ABCC12: variants seen among roughly 807,000 people sequenced by gnomAD.
ABCC12 encodes ATP binding cassette subfamily C member 12, also known as ATP-binding cassette sub-family C member 12.
ABCC12 carries 142 observed loss-of-function variants against 151.1 expected under a neutral mutation model. The observed-to-expected ratio is 0.94, with a 90% CI of 0.82 to 1.08. ABCC12 has a LOEUF of 1.08. Ranked by LOEUF, ABCC12 falls within the 50% of genes least tolerant of loss-of-function variation. The pLI, the probability that ABCC12 is intolerant of heterozygous loss-of-function variation, is 0.00. For synonymous variants in ABCC12, 645 were observed against 646.4 expected (o/e 1.00, Z 0.03); for missense variants, 1,638 against 1,691.1 (o/e 0.97, Z 0.55).
At chr16:48,136,037 T>C (rs1964597051) in intron 8 of ABCC12, among the ~76,000 whole-genome samples, 1 of 152,112 alleles carries the variant, frequency 6.6e-6, no homozygotes, top group Non-Finnish European at 1.5e-5. Flanking sequence ...CACTGCATGA[T>C]GAGAGAGAGT....
chr16:48,149,155 G>T (rs1271437054), intron 2 of ABCC12, among the ~76,000 whole-genome samples: 2 of 148,092 alleles, frequency 1.4e-5, no homozygotes, highest in East Asian at 4.2e-4. Context: ...ATAACATTGT[G>T]TTAGCCCTAG....
At chr16:48,130,922 G>T (rs1242693106) in intron 9 of ABCC12, 27 bp from the exon 10 acceptor site, 4 of 1,543,418 alleles carry the variant, frequency 2.6e-6, no homozygotes, top group Non-Finnish European at 2.7e-6. Flanking sequence ...AAGTATGAGG[G>T]TTTAGAAGGA....
Position 48,155,935 on chromosome 16 carries a change from C to T in ABCC12, c.-414G>A, listed in dbSNP as rs1965179448. 6.6e-6 allele frequency: 1 copy of T among 152,338 alleles called. No homozygotes were observed. Among genetic ancestry groups the T allele is most frequent in the South Asian group, 2.1e-4 (1 of 4,840 alleles). The allele number at this position is 152,338 out of a possible 1,614,324, so 9.4% of individuals were successfully genotyped here. ...CCAGGACTCCAGGGCCTGCTTCTCC[C>T]CAAGGACCTCAGATTCAGTTTCTCT... On this transcript the variant is annotated 5_prime_UTR_variant, in exon 1 of 31. Coordinates refer to ENST00000311303, the MANE Select transcript of ABCC12 (RefSeq NM_001393797.1).
In ABCC12 at chr16:48,088,657, G is replaced by A. The variant is rs1597300539; in HGVS notation, c.3363C>T (p.Thr1121=). The A allele has an allele frequency of 1.2e-6, 2 of 1,614,224 alleles. No individual in the cohort carries two copies. The highest frequency in any genetic ancestry group is 2.7e-5 in the African/African-American group (2 of 75,054). Residue 1121 remains threonine (T), a synonymous_variant, in exon 26 of 31, where the codon ACC becomes ACT. Coordinates refer to ENST00000311303, the MANE Select transcript of ABCC12 (RefSeq NM_001393797.1). ...PKDWPSRGEI[T]FRDYQMRYRD... ...TGTATCTCATCTGATAGTCTCTGAA[G>A]GTGATCTCCCCACGGCTGGGCCAGT...
chr16:48,128,842 C>T (rs1964328639), intron 10 of ABCC12, 105 bp from the exon 11 acceptor site: 1 of 1,250,136 alleles, frequency 8.0e-7, no homozygotes, highest in Non-Finnish European at 1.1e-6. Flanking sequence ...GCTATTCTAA[C>T]CCACCACATC....
At chr16:48,105,059 C>T in intron 21 of ABCC12, 80 bp downstream of exon 21, 1 of 1,541,398 alleles carries the variant, frequency 6.5e-7, no homozygotes. Flanking sequence ...GAGCCCAGCA[C>T]CATGCCTGGC....
At chr16:48,152,760 G>T (rs571136617) in intron 2 of ABCC12, among the ~76,000 whole-genome samples, 5 of 152,168 alleles carry the variant, frequency 3.3e-5, no homozygotes, top group Non-Finnish European at 7.3e-5. Context: ...CATACCCTGC[G>T]TCTAGTCTTG....
chr16:48,089,950 CA>C (rs1182272133), intron 25 of ABCC12, among the ~76,000 whole-genome samples: 3 of 151,642 alleles, frequency 2.0e-5, no homozygotes, highest in Non-Finnish European at 2.9e-5. Flanking sequence ...TAAATTTGTA[CA>C]AACTCAAGAA....
intron 22 of ABCC12, among the ~76,000 whole-genome samples, chr16:48,103,450 C>A (rs1597307256): frequency 1.3e-5 from 2 of 152,170 alleles, no homozygotes; most frequent in East Asian, 1.9e-4. Context: ...CTCCCTGATC[C>A]TCACAAGCCC....
At chr16:48,128,830 T>C in intron 10 of ABCC12, 93 bp from the exon 11 acceptor site, 1 of 1,450,592 alleles carries the variant, frequency 6.9e-7, no homozygotes. Flanking sequence ...ATCACAATTT[T>C]GGCTATTCTA....
chr16:48,136,608 A>T (rs1228617544), intron 8 of ABCC12, among the ~76,000 whole-genome samples: 1 of 152,146 alleles, frequency 6.6e-6, no homozygotes, highest in Non-Finnish European at 1.5e-5. Context: ...AATAATTACA[A>T]ATTGTGTTGA....
intron 2 of ABCC12, among the ~76,000 whole-genome samples, chr16:48,151,360 G>A (rs964469795): frequency 1.3e-5 from 2 of 152,178 alleles, no homozygotes; most frequent in African/African-American, 4.8e-5. Flanking sequence ...CAAAGACAAG[G>A]AGAGCCTGAG....
chr16:48,103,516 G>C (rs143152243), intron 22 of ABCC12, among the ~76,000 whole-genome samples: 1 of 152,348 alleles, frequency 6.6e-6, no homozygotes, highest in African/African-American at 2.4e-5. Flanking sequence ...AGAGGAAACT[G>C]AGGTTTGCAG....
rs1962356015 is a variant in ABCC12, at chr16:48,081,833, C to T, written c.*1882G>A. Among the ~76,000 whole-genome samples the T allele has an allele frequency of 6.6e-6, 1 of 152,168 alleles. No homozygotes were observed. The highest frequency in any genetic ancestry group is 2.4e-5 in the African/African-American group (1 of 41,428). On this transcript the variant is annotated 3_prime_UTR_variant, in exon 31 of 31. Coordinates refer to ENST00000311303, the MANE Select transcript of ABCC12 (RefSeq NM_001393797.1). ...CTATCCTCTGTCCTCATGAAAACACCACCTCTTGAAATCACAGACTGATTA... is the reference window on the plus strand; with the variant it reads ...CTATCCTCTGTCCTCATGAAAACACTACCTCTTGAAATCACAGACTGATTA...
At position 48,121,769 on chromosome 16, in the gene ABCC12, A is replaced by G. The variant is rs144608314; in HGVS notation, c.1659T>C (p.Phe553=). The G allele has an allele frequency of 5.8e-4, 936 of 1,614,212 alleles. No homozygotes were observed. Among genetic ancestry groups the G allele is most frequent in the Non-Finnish European group, 7.5e-4 (881 of 1,180,034 alleles). ...LAYVSQQAWI[F]HGNVRENILF... Reference sequence around the variant, plus strand: ...GTATGTTTTCTCTCACATTTCCATGAAAGATCCATGCCTGCTGTGAAACGT... The same window carrying G: ...GTATGTTTTCTCTCACATTTCCATGGAAGATCCATGCCTGCTGTGAAACGT... The change falls in exon 13 of 31, where the codon TTT becomes TTC. Residue 553 remains phenylalanine, a synonymous_variant. Coordinates refer to ENST00000311303, the MANE Select transcript of ABCC12 (RefSeq NM_001393797.1).
At chr16:48,150,215 G>A (rs945802443) in intron 2 of ABCC12, among the ~76,000 whole-genome samples, 6 of 152,110 alleles carry the variant, frequency 3.9e-5, no homozygotes, top group Non-Finnish European at 8.8e-5. Context: ...TCATACTGGT[G>A]TCAACACTGA....
At chr16:48,141,842 C>T (rs1964827067) in intron 4 of ABCC12, among the ~76,000 whole-genome samples, 1 of 152,190 alleles carries the variant, frequency 6.6e-6, no homozygotes, top group Non-Finnish European at 1.5e-5. Flanking sequence ...CAAGGGCCTT[C>T]AGGAGTTTAG....
Position 48,141,267 on chromosome 16 carries a change from G to A in ABCC12, c.362C>T (p.Thr121Ile), listed in dbSNP as rs1227972202. The A allele has an allele frequency of 4.3e-6, 7 of 1,614,084 alleles. No individual in the cohort carries two copies. The highest frequency in any genetic ancestry group is 2.2e-5 in the East Asian group (1 of 44,894). ...LSHVVWKFQR[T>I]RVLMDIVANI... Reference sequence around the variant, plus strand: ...GGCCACGATGTCCATCAACACGCGTGTCCTCTGGAATTTCCACACCACGTG... The same window carrying A: ...GGCCACGATGTCCATCAACACGCGTATCCTCTGGAATTTCCACACCACGTG... The change falls in exon 5 of 31, where the codon ACA becomes ATA. Residue 121 changes from threonine (T) to isoleucine (I), a missense_variant. By Grantham distance (89) the Thr-to-Ile change is moderately conservative. Coordinates refer to ENST00000311303, the MANE Select transcript of ABCC12 (RefSeq NM_001393797.1).
chr16:48,098,433 C>T (rs1200575575), intron 23 of ABCC12, among the ~76,000 whole-genome samples: 1 of 152,214 alleles, frequency 6.6e-6, no homozygotes, highest in East Asian at 1.9e-4. Flanking sequence ...TCCTGGAAGG[C>T]CTCCCAGAGT....
Sources: gnomAD v4.1 joint callset for allele counts (sites outside exome capture counted in the v4.1 genomes callset) on GRCh38, gnomAD v4.1.1 for gene constraint, MANE v1.5 for transcripts, NCBI Gene and HGNC (gene_info 2026-07-23, HGNC 2026-07-21) for gene names.